Variants in LOXHD1 observed in about 807,000 individuals in gnomAD.
LOXHD1 encodes lipoxygenase homology PLAT domains 1.
A neutral mutation model predicts 248.2 loss-of-function variants in LOXHD1; 205 were observed. That is an observed-to-expected ratio of 0.83 (90% confidence interval 0.74 to 0.93). The LOEUF (loss-of-function observed/expected upper bound fraction) is 0.93, where lower values mean the gene tolerates loss of function less well. Among genes scored for constraint, LOXHD1 ranks in the 40% least tolerant of loss-of-function variants. The pLI, the probability that LOXHD1 is intolerant of heterozygous loss-of-function variation, is 0.00. For missense variants in LOXHD1, 2,930 were observed against 2,971.6 expected (o/e 0.99, Z 0.33); for synonymous variants, 1,113 against 1,162.8 (o/e 0.96, Z 0.87).
chr18:46,479,687 C>T (rs1246444885), intron 40 of LOXHD1, among the ~76,000 whole-genome samples: 1 of 151,038 alleles, frequency 6.6e-6, no homozygotes, highest in Non-Finnish European at 1.5e-5. Flanking sequence ...TGGCTAACAA[C>T]TTCAGGAATG....
chr18:46,623,477 C>G (rs2038696249), intron 4 of LOXHD1, among the ~76,000 whole-genome samples: 1 of 152,228 alleles, frequency 6.6e-6, no homozygotes, highest in South Asian at 2.1e-4. Context: ...GAGCTGGGAT[C>G]CTGTGCAGGT....
chr18:46,546,770 A>G, intron 22 of LOXHD1, 125 bp downstream of exon 22: 1 of 1,116,304 alleles, frequency 9.0e-7, no homozygotes, highest in East Asian at 2.6e-5. Flanking sequence ...AGGGCAATAC[A>G]ATAGACTGTC....
intron 6 of LOXHD1, 31 bp downstream of exon 6, chr18:46,610,745 A>G (rs923431526): frequency 2.6e-6 from 4 of 1,534,810 alleles, no homozygotes; most frequent in African/African-American, 2.8e-5. Context: ...TTCCAAGGCC[A>G]CAGGGACTGC....
chr18:46,533,676 C>T (rs2036177161), intron 27 of LOXHD1: 1 of 332,810 alleles, frequency 3.0e-6, no homozygotes, highest in Non-Finnish European at 5.9e-6. Context: ...GTAATCTCAG[C>T]ACTTTGAGAG....
chr18:46,593,685 A>G lies in LOXHD1; in HGVS notation c.1346T>C (p.Ile449Thr), dbSNP rs1042805954. 1 of 1,552,282 alleles carries G rather than the reference A, an allele frequency of 6.4e-7. No homozygotes were observed. ...AGTNSPIFIQ[I>T]YGQKGRTDEI... ...ATCTGTCCGCCCCTTCTGCCCATAAATCTGGATGAAGATGGGAGAGTTGGT... is the reference window on the plus strand; with the variant it reads ...ATCTGTCCGCCCCTTCTGCCCATAAGTCTGGATGAAGATGGGAGAGTTGGT... Residue 449 changes from isoleucine (I) to threonine (T), a missense_variant, in exon 10 of 41, where the codon ATT becomes ACT. Ile to Thr is a moderately conservative substitution (Grantham distance 89, BLOSUM62 -1). Transcript: ENST00000642948.
At position 46,579,765 on chromosome 18, in the gene LOXHD1, A is replaced by G. The variant is rs2144147817; in HGVS notation, c.1674T>C (p.Thr558=). The change falls in exon 13 of 41, where the codon ACT becomes ACC. Residue 558 remains threonine (T), a synonymous_variant. Coordinates refer to ENST00000642948, the MANE Select transcript of LOXHD1 (RefSeq NM_001384474.1). ...RIMGMARYHV[T]VCTGELEGAG... is the part of the protein sequence containing the mutation. ...CACCTTCAAGTTCACCTGTGCACAC[A>G]GTCACATGGTACCGGGCCACTGGCA... is the stretch of plus-strand genomic sequence containing the variant. 6.4e-7 allele frequency: 1 copy of G among 1,551,830 alleles called. No individual in the cohort carries two copies.
rs144281065 is a variant in LOXHD1 at position 46,613,908 on chromosome 18, T to C, written c.611-2984A>G. Among the ~76,000 whole-genome samples, 854 of 152,354 alleles carry C rather than the reference T, an allele frequency of 5.6e-3. 11 individuals carry two copies. The highest frequency in any genetic ancestry group is 0.018 in the African/African-American group (762 of 41,576). ...AGAAATTATTTGTCACATATCTATA[T>C]ATTTATTTATCAATTTGGTGTGCTA... On this transcript the variant is annotated intron_variant, in intron 5 of 40. Transcript: ENST00000642948.
chr18:46,503,353 AC>A (rs1236338255), intron 37 of LOXHD1, among the ~76,000 whole-genome samples: 3 of 152,142 alleles, frequency 2.0e-5, no homozygotes, highest in African/African-American at 4.8e-5. Context: ...CATGCCTGCC[AC>A]CCTTACTAAT....
At chr18:46,644,732 A>G (rs1328908306) in intron 2 of LOXHD1, among the ~76,000 whole-genome samples, 1 of 152,120 alleles carries the variant, frequency 6.6e-6, no homozygotes, top group African/African-American at 2.4e-5. Flanking sequence ...TAAAAAAGAA[A>G]AAAAAAAATG....
chr18:46,529,114 G>A, intron 29 of LOXHD1, 63 bp downstream of exon 29: 1 of 1,539,428 alleles, frequency 6.5e-7, no homozygotes, highest in Non-Finnish European at 8.8e-7. Context: ...AAGAAGAGCT[G>A]GCACCTAGAT....
intron 14 of LOXHD1, among the ~76,000 whole-genome samples, chr18:46,575,828 T>G (rs1046251688): frequency 1.3e-5 from 2 of 152,176 alleles, no homozygotes; most frequent in African/African-American, 4.8e-5. Flanking sequence ...AATCTCCTAC[T>G]GCTCTCCCCT....
At chr18:46,570,096 CA>C (rs1199833422) in intron 15 of LOXHD1, among the ~76,000 whole-genome samples, 1 of 152,178 alleles carries the variant, frequency 6.6e-6, no homozygotes, top group East Asian at 1.9e-4. Flanking sequence ...GTTTCACAGG[CA>C]AGGAATCTGA....
chr18:46,508,798 A>G lies in LOXHD1; in HGVS notation c.5517+900T>C, dbSNP rs548413778. ...CTCCTCCTGGCTGCCAGGGGTCTCC[A>G]GCTTTGGAGCCACTCTTAGCATGGA... On this transcript the variant is annotated intron_variant, in intron 35 of 40. Transcript: ENST00000642948. 2.0e-5 allele frequency among the ~76,000 whole-genome samples: 3 copies of G among 152,286 alleles called. No individual in the cohort carries two copies. In the East Asian group the frequency reaches 5.8e-4, roughly 29 times the overall value.
chr18:46,586,508 C>T (rs759687456), intron 12 of LOXHD1, among the ~76,000 whole-genome samples: 23 of 152,182 alleles, frequency 1.5e-4, no homozygotes, highest in Non-Finnish European at 2.9e-4. Flanking sequence ...TGCAATGGCG[C>T]GATCTCCGCT....
Position 46,506,362 on chromosome 18 carries a change from T to C in LOXHD1, c.5693-339A>G, listed in dbSNP as rs141417429. Among the ~76,000 whole-genome samples, 19 of 152,336 alleles carry C rather than the reference T, an allele frequency of 1.2e-4. No individual in the cohort carries two copies. The East Asian group carries it at 3.3e-3, about 26-fold the overall frequency. On this transcript the variant is annotated intron_variant, in intron 36 of 40. Coordinates refer to ENST00000642948, the MANE Select transcript of LOXHD1 (RefSeq NM_001384474.1). ...AGGCTGGCTTTACAGTTTAGAAACA[T>C]AGGCTACCTCCTGCACAGTGTGGGT...
chr18:46,644,977 G>A (rs757253323), intron 2 of LOXHD1, among the ~76,000 whole-genome samples: 7 of 152,152 alleles, frequency 4.6e-5, no homozygotes, highest in Admixed American at 6.5e-5. Flanking sequence ...TCTGGGTTCC[G>A]CAGTGCTTAT....
rs1342969782 is a variant in LOXHD1, at chr18:46,639,561, G to A, written c.511+55C>T. The A allele has an allele frequency of 3.3e-6, 5 of 1,513,188 alleles. No homozygotes were observed. The African/African-American group carries it at 5.5e-5, about 17-fold the overall frequency. The allele number at this position is 1,513,188 out of a possible 1,614,324, so 93.7% of individuals were successfully genotyped here. ...GCAAGACAGGCACGATTCTTTCCTG[G>A]GTGAGCCCAGCCCAGCTAGGGAGGG... On this transcript the variant is annotated intron_variant, in intron 4 of 40. Transcript: ENST00000642948.
Position 46,626,503 on chromosome 18 carries a change from A to T in LOXHD1, c.512-8213T>A, listed in dbSNP as rs184106719. Among the ~76,000 whole-genome samples the T allele has an allele frequency of 3.3e-5, 5 of 152,346 alleles. No individual in the cohort carries two copies. In the East Asian group the frequency reaches 9.6e-4, roughly 29 times the overall value. On this transcript the variant is annotated intron_variant, in intron 4 of 40. Coordinates refer to ENST00000642948, the MANE Select transcript of LOXHD1 (RefSeq NM_001384474.1). The stretch of plus-strand genomic sequence containing the variant: ...CAGTGAGCCAACATCATGCTACTGC[A>T]CTCCAGCCTGGGCAACAGAGTGAGA...
chr18:46,640,244 G>A (rs2038946034), intron 3 of LOXHD1, among the ~76,000 whole-genome samples: 1 of 152,154 alleles, frequency 6.6e-6, no homozygotes, highest in Non-Finnish European at 1.5e-5. Context: ...GGGAAAAGAT[G>A]ACAAGGGAAT....
Sources: allele counts gnomAD v4.1 joint callset (sites outside exome capture counted in the v4.1 genomes callset), GRCh38; gene constraint gnomAD v4.1.1; transcripts MANE v1.5; gene names NCBI Gene and HGNC (gene_info 2026-07-23, HGNC 2026-07-21).